Variants in L3HYPDH observed in about 807,000 individuals in gnomAD.
The protein encoded by L3HYPDH is trans-L-3-hydroxyproline dehydratase, also known as trans-3-hydroxy-L-proline dehydratase.
In L3HYPDH, 32 loss-of-function variants were observed where a neutral mutation model predicts 26.5. The ratio of observed to expected loss-of-function variants is 1.21; its 90% CI spans 0.91 to 1.62. The LOEUF (loss-of-function observed/expected upper bound fraction) is 1.62, where lower values mean the gene tolerates loss of function less well. Ranked by LOEUF, L3HYPDH falls within the 40% of genes most tolerant of loss-of-function variation. The pLI is 0.00. For synonymous variants in L3HYPDH, 215 were observed against 196.6 expected (o/e 1.09, Z -0.78); for missense variants, 554 against 476.4 (o/e 1.16, Z -1.52).
downstream of L3HYPDH, among the ~76,000 whole-genome samples, chr14:59,470,021 G>A (rs1255726764): frequency 2.0e-5 from 3 of 152,206 alleles, no homozygotes; most frequent in Non-Finnish European, 4.4e-5. Context: ...TACAGTTAAT[G>A]AGGCACAATG....
chr14:59,467,204 A>T (rs1051328837), intron 1 of L3HYPDH, among the ~76,000 whole-genome samples: 1 of 152,238 alleles, frequency 6.6e-6, no homozygotes, highest in Non-Finnish European at 1.5e-5. Flanking sequence ...AGGTGACATT[A>T]GACTTTTTAA....
intron 1 of L3HYPDH, 45 bp downstream of exon 1, chr14:59,483,764 C>T: frequency 6.3e-7 from 1 of 1,577,856 alleles, no homozygotes. Flanking sequence ...TTAGTCGCGT[C>T]CCGGTTGCAG....
chr14:59,479,579 C>T (rs1300241273), intron 1 of L3HYPDH, among the ~76,000 whole-genome samples: 1 of 152,098 alleles, frequency 6.6e-6, no homozygotes, highest in Non-Finnish European at 1.5e-5. Context: ...TAAACTAAAG[C>T]CATGCTTTCC....
At chr14:59,491,836 TG>T in the L3HYPDH span, among the ~76,000 whole-genome samples, 49 of 152,232 alleles carry the variant, frequency 3.2e-4, 1 homozygote, top group Non-Finnish European at 5.6e-4. Flanking sequence ...CAGTGTTATC[TG>T]GATACTGAAT....
rs1486283202 is a variant in L3HYPDH at position 59,484,344 on chromosome 14, T to A, written c.-28A>T. ...TCTGCGTCGGGGGAGACGAGTACGG[T>A]CCCGCAGCTATGGCTTCAAGCCCGA... On this transcript the variant is annotated 5_prime_UTR_variant, in exon 1 of 5. Coordinates refer to ENST00000247194, the MANE Select transcript of L3HYPDH (RefSeq NM_144581.2). 1 of 1,556,572 alleles carries A rather than the reference T, an allele frequency of 6.4e-7. No individual in the cohort carries two copies. Among genetic ancestry groups the A allele is most frequent in the Non-Finnish European group, 8.6e-7 (1 of 1,156,744 alleles).
At chr14:59,484,531 C>T (rs1890344694), upstream of L3HYPDH, 7 of 1,555,656 alleles carry the variant, frequency 4.5e-6, no homozygotes, top group Non-Finnish European at 4.4e-6. Flanking sequence ...CCCGGATGTT[C>T]GGTGCAGCTG....
chr14:59,503,339 C>T, the L3HYPDH span, among the ~76,000 whole-genome samples: 149,105 of 152,330 alleles, frequency 0.98, 73,054 homozygotes, highest in East Asian at 1. Context: ...TTCTGCATAG[C>T]ATACAGGTGT....
the L3HYPDH span, among the ~76,000 whole-genome samples, chr14:59,491,786 TG>T: frequency 6.6e-6 from 1 of 152,138 alleles, no homozygotes; most frequent in Non-Finnish European, 1.5e-5. Flanking sequence ...GGCAGGCAGT[TG>T]GGATGAGAGG....
chr14:59,472,796 T>G lies in L3HYPDH; in HGVS notation c.*169A>C. On this transcript the variant is annotated 3_prime_UTR_variant, in exon 5 of 5. Coordinates refer to ENST00000247194, the MANE Select transcript of L3HYPDH (RefSeq NM_144581.2). ...ATAAGTGATATTTATACAAATACAG[T>G]TGCAAATACGAGGTATAATGACTTT... is the stretch of plus-strand genomic sequence containing the variant. 1 of 501,350 alleles carries G rather than the reference T, an allele frequency of 2.0e-6. No homozygotes were observed. Among genetic ancestry groups the G allele is most frequent in the Admixed American group, 4.1e-5 (1 of 24,336 alleles). The allele number at this position is 501,350 out of a possible 1,614,324, so 31.1% of individuals were successfully genotyped here. A position where few individuals can be genotyped will look rare whatever the true frequency, so the allele number is the denominator to read the frequency against.
At chr14:59,503,039 C>T in the L3HYPDH span, among the ~76,000 whole-genome samples, 5 of 151,890 alleles carry the variant, frequency 3.3e-5, no homozygotes, top group Non-Finnish European at 5.9e-5. Context: ...TGAGCCACCA[C>T]GCCTGACCTT....
Position 59,466,044 on chromosome 14 carries a change from C to T in L3HYPDH, n.31-4871G>A, listed in dbSNP as rs558860822. 2.0e-4 allele frequency among the ~76,000 whole-genome samples: 30 copies of T among 152,212 alleles called. 1 individual carries two copies. In the South Asian group the frequency reaches 5.8e-3, roughly 29 times the overall value. On this transcript the variant is annotated intron_variant and non_coding_transcript_variant, in intron 1 of 2. Coordinates refer to the L3HYPDH transcript ENST00000466522. The stretch of plus-strand genomic sequence containing the variant: ...GGCTGACAGAATTACTAAGGATGGG[C>T]CCATGACTCTAAACCCCGTAGGTGA...
At chr14:59,499,905 C>T in the L3HYPDH span, among the ~76,000 whole-genome samples, 12 of 152,312 alleles carry the variant, frequency 7.9e-5, no homozygotes, top group Middle Eastern at 0.014. Context: ...CTTATACCTT[C>T]CTGGCTACCC....
chr14:59,495,936 C>G, the L3HYPDH span, among the ~76,000 whole-genome samples: 6 of 152,236 alleles, frequency 3.9e-5, no homozygotes, highest in African/African-American at 1.4e-4. Context: ...GAGTCTCGTT[C>G]TGTCACCCAG....
At chr14:59,496,344 C>A in the L3HYPDH span, among the ~76,000 whole-genome samples, 1 of 151,522 alleles carries the variant, frequency 6.6e-6, no homozygotes, top group African/African-American at 2.4e-5. Flanking sequence ...TAACTCTAAG[C>A]ATTAATTACC....
intron 2 of L3HYPDH, among the ~76,000 whole-genome samples, chr14:59,477,844 TTAC>T (rs1260509553): frequency 1.3e-5 from 2 of 152,234 alleles, no homozygotes; most frequent in African/African-American, 4.8e-5. Flanking sequence ...AAGTTACTTT[TTAC>T]TACTAATAAA....
chr14:59,501,926 C>CT, the L3HYPDH span, among the ~76,000 whole-genome samples: 11 of 152,210 alleles, frequency 7.2e-5, no homozygotes, highest in Admixed American at 2.6e-4. Flanking sequence ...AAAAAAGTAT[C>CT]TTTTGACACA....
intron 1 of L3HYPDH, chr14:59,483,511 A>C: frequency 7.6e-7 from 1 of 1,321,862 alleles, no homozygotes; most frequent in East Asian, 3.3e-5. Context: ...CACCGGTGAA[A>C]TCTCTAGGAA....
rs764197021 is a variant in L3HYPDH at position 59,484,308 on chromosome 14, G to A, written c.9C>T (p.Ser3=). 1 of 1,587,810 alleles carries A rather than the reference G, an allele frequency of 6.3e-7. No homozygotes were observed. The highest frequency in any genetic ancestry group is 8.5e-7 in the Non-Finnish European group (1 of 1,174,436). Reference sequence around the variant, plus strand: ...GGGGCAGCCGGGGCACCGCCAGCGCGCTCTCCATGGTCTGCGTCGGGGGAG... The same window carrying A: ...GGGGCAGCCGGGGCACCGCCAGCGCACTCTCCATGGTCTGCGTCGGGGGAG... ME[S]ALAVPRLPPH... The change falls in exon 1 of 5, where the codon AGC becomes AGT. Residue 3 remains serine (S), a synonymous_variant. Transcript: ENST00000247194.
At chr14:59,490,988 A>G in the L3HYPDH span, among the ~76,000 whole-genome samples, 1 of 152,214 alleles carries the variant, frequency 6.6e-6, no homozygotes. Flanking sequence ...CAGACAGGAA[A>G]GGAGGTGGGT....
Sources: allele counts gnomAD v4.1 joint callset (sites outside exome capture counted in the v4.1 genomes callset), GRCh38; gene constraint gnomAD v4.1.1; transcripts MANE v1.5; gene names NCBI Gene and HGNC (gene_info 2026-07-23, HGNC 2026-07-21).